The following SH3KBP1 variants were observed in gnomAD, a reference collection of about 807,000 sequenced individuals.
SH3KBP1 encodes the protein SH3 domain containing kinase binding protein 1.
SH3KBP1 carries 8 observed loss-of-function variants against 50.1 expected under a neutral mutation model. The ratio of observed to expected loss-of-function variants is 0.16; its 90% CI spans 0.09 to 0.29. The LOEUF (loss-of-function observed/expected upper bound fraction) is 0.29. Among genes scored for constraint, SH3KBP1 ranks in the 10% least tolerant of loss-of-function variants. SH3KBP1 has a pLI of 1.00. For synonymous variants in SH3KBP1, 227 were observed against 218.6 expected (o/e 1.04, Z -0.34); for missense variants, 377 against 535.2 (o/e 0.70, Z 2.92).
intron 11 of SH3KBP1, among the ~76,000 whole-genome samples, chrX:19,589,096 C>T (rs1449512249): frequency 4.4e-5 from 5 of 112,406 alleles, no homozygotes; most frequent in Non-Finnish European, 9.4e-5. Flanking sequence ...CTGGCTGAAA[C>T]GTGACACTGC....
chrX:19,737,549 G>A (rs776787885), intron 3 of SH3KBP1, among the ~76,000 whole-genome samples: 1 of 111,706 alleles, frequency 9.0e-6, no homozygotes, highest in South Asian at 3.8e-4. Flanking sequence ...TAATGGCATC[G>A]GGAAAAGCTA....
intron 12 of SH3KBP1, chrX:19,588,312 C>A: frequency 9.4e-7 from 1 of 1,061,506 alleles, no homozygotes; most frequent in Non-Finnish European, 1.2e-6. Flanking sequence ...GGACACGCCA[C>A]CTGCATTTCC....
At chrX:19,828,386 T>A (rs889792418) in intron 2 of SH3KBP1, among the ~76,000 whole-genome samples, 1 of 111,886 alleles carries the variant, frequency 8.9e-6, no homozygotes, top group African/African-American at 3.3e-5. Flanking sequence ...TTTAACAATA[T>A]AATAGGCCTG....
At chrX:19,702,339 G>C (rs768783088) in intron 4 of SH3KBP1, among the ~76,000 whole-genome samples, 1 of 111,609 alleles carries the variant, frequency 9.0e-6, no homozygotes, top group South Asian at 3.8e-4. Flanking sequence ...ACGTTCAAGG[G>C]CCTATTTAAC....
rs779549650 is a variant in SH3KBP1 at position 19,763,352 on chromosome X, CAGG to C, written c.163-16914_163-16912del. Among the ~76,000 whole-genome samples, 24 of 112,753 alleles carry C rather than the reference CAGG, an allele frequency of 2.1e-4. No individual in the cohort carries two copies. The East Asian group carries it at 6.7e-3, about 31-fold the overall frequency. On this transcript the variant is annotated intron_variant, in intron 2 of 17. Coordinates refer to ENST00000397821, the MANE Select transcript of SH3KBP1 (RefSeq NM_031892.3). ...GTCTTCATTTTTGCCAATCTGATAA[CAGG>C]AGATGATATTTAATTTGCATTTCTT...
chrX:19,702,478 A>G, intron 4 of SH3KBP1, among the ~76,000 whole-genome samples: 1 of 111,411 alleles, frequency 9.0e-6, no homozygotes. Context: ...ACTGGGGGCC[A>G]CTGAGAAACA....
intron 11 of SH3KBP1, among the ~76,000 whole-genome samples, chrX:19,590,418 C>T (rs1265943950): frequency 9.0e-6 from 1 of 111,436 alleles, no homozygotes; most frequent in East Asian, 2.8e-4. Flanking sequence ...TTCTACGTCC[C>T]TCACCCGCTG....
chrX:19,700,115 A>C (rs764725049), intron 4 of SH3KBP1, among the ~76,000 whole-genome samples: 7 of 111,647 alleles, frequency 6.3e-5, no homozygotes, highest in Non-Finnish European at 1.3e-4. Flanking sequence ...ATGCACCCAG[A>C]CAAACGAAGT....
At chrX:19,865,243 T>C (rs1315341260) in intron 1 of SH3KBP1, among the ~76,000 whole-genome samples, 1 of 112,611 alleles carries the variant, frequency 8.9e-6, no homozygotes, top group Admixed American at 9.4e-5. Flanking sequence ...AAACCCACAG[T>C]GCATGGGTCT....
At chrX:19,799,977 G>A (rs1306779585) in intron 2 of SH3KBP1, among the ~76,000 whole-genome samples, 2 of 111,773 alleles carry the variant, frequency 1.8e-5, no homozygotes, top group Non-Finnish European at 3.8e-5. Context: ...CACCTAATTA[G>A]GAAGAAGTTA....
intron 6 of SH3KBP1, among the ~76,000 whole-genome samples, chrX:19,653,594 C>T (rs994297241): frequency 2.7e-5 from 3 of 109,846 alleles, no homozygotes; most frequent in Non-Finnish European, 5.7e-5. Flanking sequence ...ACCTGTAATC[C>T]GAGCTACTCA....
chrX:19,551,961 G>A (rs769716942), intron 13 of SH3KBP1, among the ~76,000 whole-genome samples: 17 of 111,421 alleles, frequency 1.5e-4, no homozygotes, highest in Middle Eastern at 4.7e-3. Context: ...AACAAAACAC[G>A]AAATTGTAAC....
chrX:19,768,955 C>A (rs1324290036), intron 2 of SH3KBP1, among the ~76,000 whole-genome samples: 2 of 109,061 alleles, frequency 1.8e-5, no homozygotes, highest in South Asian at 3.9e-4. Flanking sequence ...TTAGTAAGAT[C>A]TTTGTTCTTA....
intron 3 of SH3KBP1, among the ~76,000 whole-genome samples, chrX:19,737,742 TCATGCCAAAGCCC>T (rs1358966827): frequency 4.4e-4 from 49 of 112,009 alleles, no homozygotes; most frequent in Non-Finnish European, 4.9e-4. Context: ...AGCCTGCTTT[TCATGCCAAAGCCC>T]AGACTAGGAC....
intron 1 of SH3KBP1, among the ~76,000 whole-genome samples, chrX:19,859,410 A>G (rs1176867730): frequency 1.8e-5 from 2 of 111,739 alleles, no homozygotes; most frequent in African/African-American, 6.5e-5. Context: ...AGCCTCCCAA[A>G]GTTCTGGGAC....
At chrX:19,539,895 C>T in intron 16 of SH3KBP1, among the ~76,000 whole-genome samples, 1 of 111,769 alleles carries the variant, frequency 8.9e-6, no homozygotes, top group Non-Finnish European at 1.9e-5. Flanking sequence ...CGGGGAAAGA[C>T]AATTCCCACC....
chrX:19,823,826 G>T (rs933609462), intron 2 of SH3KBP1, among the ~76,000 whole-genome samples: 40 of 110,504 alleles, frequency 3.6e-4, no homozygotes, highest in African/African-American at 1.2e-3. Flanking sequence ...ATTCTCTTTG[G>T]TTTTTTTTGT....
intron 13 of SH3KBP1, among the ~76,000 whole-genome samples, chrX:19,553,173 G>C (rs1408608588): frequency 9.0e-6 from 1 of 111,445 alleles, no homozygotes; most frequent in East Asian, 2.8e-4. Flanking sequence ...AGCCAGGGGA[G>C]GGGATGGGAC....
intron 1 of SH3KBP1, among the ~76,000 whole-genome samples, chrX:19,843,429 G>A (rs998570383): frequency 9.0e-6 from 1 of 110,858 alleles, no homozygotes; most frequent in Non-Finnish European, 1.9e-5. Context: ...GGGTTTGGGG[G>A]TCTGAATTTC....
Sources: gnomAD v4.1 joint callset for allele counts (sites outside exome capture counted in the v4.1 genomes callset) on GRCh38, gnomAD v4.1.1 for gene constraint, MANE v1.5 for transcripts, NCBI Gene and HGNC (gene_info 2026-07-23, HGNC 2026-07-21) for gene names.